Variants in RBMS3 observed in about 807,000 individuals in gnomAD.
RBMS3 encodes RNA binding motif single stranded interacting protein 3.
Under a neutral mutation model 66.8 loss-of-function variants are expected in RBMS3, and 27 were observed. The ratio of observed to expected loss-of-function variants is 0.40; its 90% CI spans 0.30 to 0.56. The LOEUF (loss-of-function observed/expected upper bound fraction) is 0.56. Among genes scored for constraint, RBMS3 ranks in the 20% least tolerant of loss-of-function variants. The pLI, the probability that RBMS3 is intolerant of heterozygous loss-of-function variation, is 0.40. For synonymous variants in RBMS3, 188 were observed against 183.0 expected (o/e 1.03, Z -0.22); for missense variants, 513 against 549.5 (o/e 0.93, Z 0.66).
At chr3:29,982,551 T>A (rs922613915) in intron 12 of RBMS3, among the ~76,000 whole-genome samples, 2 of 152,216 alleles carry the variant, frequency 1.3e-5, no homozygotes, top group African/African-American at 4.8e-5. Context: ...CAGTGGGCAT[T>A]TAGTGCTATC....
At chr3:30,000,702 T>A (rs546159800) in intron 14 of RBMS3, among the ~76,000 whole-genome samples, 13 of 152,148 alleles carry the variant, frequency 8.5e-5, no homozygotes, top group Non-Finnish European at 1.8e-4. Context: ...TGGAATACCA[T>A]GCAGTCATAA....
intron 3 of RBMS3, among the ~76,000 whole-genome samples, chr3:29,573,139 G>A (rs1231970829): frequency 6.6e-6 from 1 of 151,588 alleles, no homozygotes; most frequent in African/African-American, 2.4e-5. Context: ...TTTTTCTTTT[G>A]AGATGGAGTC....
intron 2 of RBMS3, among the ~76,000 whole-genome samples, chr3:29,452,384 T>C (rs1185508191): frequency 6.6e-6 from 1 of 152,216 alleles, no homozygotes; most frequent in Non-Finnish European, 1.5e-5. Context: ...GGCTTTGACC[T>C]GGTTCTATTT....
At chr3:29,586,700 C>A (rs1166635537) in intron 3 of RBMS3, among the ~76,000 whole-genome samples, 2 of 152,080 alleles carry the variant, frequency 1.3e-5, no homozygotes, top group African/African-American at 4.8e-5. Context: ...GAGTTCTTAT[C>A]ATGGTTTTTG....
intron 6 of RBMS3, among the ~76,000 whole-genome samples, chr3:29,789,245 T>C (rs763891091): frequency 5.3e-5 from 8 of 152,142 alleles, no homozygotes; most frequent in African/African-American, 9.6e-5. Context: ...TGAATGGTGA[T>C]AGACGTATTT....
In RBMS3 at chr3:29,392,775, T is replaced by A. The variant is rs114109608; in HGVS notation, c.76-41968T>A. 7.5e-3 allele frequency among the ~76,000 whole-genome samples: 1,141 copies of A among 152,250 alleles called. 15 individuals are homozygous for A. The highest frequency in any genetic ancestry group is 0.026 in the African/African-American group (1,089 of 41,538). ...GCCTTAATATGATTGGTCACAGTTA[T>A]ACATCTATGATGGCAAGGATGACAG... On this transcript the variant is annotated intron_variant, in intron 1 of 14. Transcript: ENST00000383767.
intron 6 of RBMS3, among the ~76,000 whole-genome samples, chr3:29,783,743 T>C (rs944952976): frequency 3.9e-5 from 6 of 152,104 alleles, no homozygotes; most frequent in African/African-American, 2.4e-5. Flanking sequence ...ACTTAAAAGA[T>C]ACAGAATGGC....
chr3:29,834,008 A>T (rs928501963), intron 6 of RBMS3, among the ~76,000 whole-genome samples: 1 of 152,044 alleles, frequency 6.6e-6, no homozygotes, highest in Non-Finnish European at 1.5e-5. Flanking sequence ...GTCAGCAAAA[A>T]CCTTGCAGGC....
rs552385569 is a variant in RBMS3 at position 29,547,206 on chromosome 3, C to A, written c.308-39908C>A. ...TTTTGAACTCTTGACCACAAGTAAT[C>A]CTCCTGCCTCAGCTTCCCAAAGCAC... On this transcript the variant is annotated intron_variant, in intron 3 of 14. Transcript: ENST00000383767. 3.9e-5 allele frequency among the ~76,000 whole-genome samples: 6 copies of A among 152,274 alleles called. No individual in the cohort carries two copies. The East Asian group carries it at 1.2e-3, about 29-fold the overall frequency.
chr3:29,912,610 G>A, intron 10 of RBMS3, among the ~76,000 whole-genome samples: 1 of 152,014 alleles, frequency 6.6e-6, no homozygotes. Context: ...TCTGTAGAGA[G>A]AAACATTTTC....
At chr3:29,695,546 T>G (rs1007624253) in intron 4 of RBMS3, among the ~76,000 whole-genome samples, 44 of 152,196 alleles carry the variant, frequency 2.9e-4, no homozygotes, top group Non-Finnish European at 6.0e-4. Flanking sequence ...GTTGTTATTC[T>G]GTTGGCTTCT....
chr3:29,686,845 T>G (rs2051754636), intron 4 of RBMS3, among the ~76,000 whole-genome samples: 1 of 152,212 alleles, frequency 6.6e-6, no homozygotes, highest in Non-Finnish European at 1.5e-5. Flanking sequence ...GTTTATTTTT[T>G]TCTTCAATTT....
In RBMS3 at chr3:29,480,978, G is replaced by A. The variant is rs142069899; in HGVS notation, c.249-7463G>A. Among the ~76,000 whole-genome samples, 326 of 152,334 alleles carry A rather than the reference G, an allele frequency of 2.1e-3. 1 individual carries two copies. Among genetic ancestry groups the A allele is most frequent in the African/African-American group, 6.9e-3 (288 of 41,582 alleles). Reference sequence around the variant, plus strand: ...TGGCACTAGAGCTGAGAGGCAACAAGTGTTGGCAGAGCCTGGACTCTGTAG... The same window carrying A: ...TGGCACTAGAGCTGAGAGGCAACAAATGTTGGCAGAGCCTGGACTCTGTAG... On this transcript the variant is annotated intron_variant, in intron 2 of 14. Transcript: ENST00000383767.
chr3:29,769,701 C>G (rs185458037), intron 6 of RBMS3, among the ~76,000 whole-genome samples: 3 of 151,618 alleles, frequency 2.0e-5, no homozygotes, highest in Non-Finnish European at 2.9e-5. Flanking sequence ...ATGCTTAGCT[C>G]TGTACATTCT....
chr3:29,552,212 T>G (rs1277766355), intron 3 of RBMS3, among the ~76,000 whole-genome samples: 1 of 152,196 alleles, frequency 6.6e-6, no homozygotes, highest in African/African-American at 2.4e-5. Flanking sequence ...CAGAACATCA[T>G]GAAGAAAACA....
At chr3:29,806,609 A>G (rs892770603) in intron 6 of RBMS3, among the ~76,000 whole-genome samples, 1 of 151,936 alleles carries the variant, frequency 6.6e-6, no homozygotes, top group African/African-American at 2.4e-5. Context: ...TGTAAATTTT[A>G]TGTAGCAAAG....
intron 6 of RBMS3, among the ~76,000 whole-genome samples, chr3:29,862,258 T>A (rs1236826228): frequency 6.6e-6 from 1 of 152,192 alleles, no homozygotes; most frequent in African/African-American, 2.4e-5. Flanking sequence ...CCCAAGAGTC[T>A]ACATTTCTAA....
chr3:29,693,431 G>A (rs79548502), intron 4 of RBMS3, among the ~76,000 whole-genome samples: 2,061 of 152,184 alleles, frequency 0.014, 31 homozygotes, highest in Middle Eastern at 0.041. Flanking sequence ...AACAGCCCAA[G>A]TCATGGGCAA....
intron 3 of RBMS3, among the ~76,000 whole-genome samples, chr3:29,542,759 C>A (rs1399215071): frequency 6.6e-6 from 1 of 152,172 alleles, no homozygotes; most frequent in Middle Eastern, 3.2e-3. Context: ...GGTTGACTGA[C>A]AGTTGTAAAG....
Sources: gnomAD v4.1 joint callset for allele counts (sites outside exome capture counted in the v4.1 genomes callset) on GRCh38, gnomAD v4.1.1 for gene constraint, MANE v1.5 for transcripts, NCBI Gene and HGNC (gene_info 2026-07-23, HGNC 2026-07-21) for gene names.